The following MAGI2 variants were observed in gnomAD, a reference collection of about 807,000 sequenced individuals.
MAGI2 encodes membrane associated guanylate kinase, WW and PDZ domain containing 2, also known as membrane-associated guanylate kinase, WW and PDZ domain-containing protein 2.
MAGI2 carries 35 observed loss-of-function variants against 133.3 expected under a neutral mutation model. That is an observed-to-expected ratio of 0.26 (90% CI 0.20 to 0.35). The LOEUF is 0.35. MAGI2 is among the 10% of genes least tolerant of loss of function. MAGI2 has a pLI of 1.00. For missense variants in MAGI2, 1,636 were observed against 1,863.4 expected (o/e 0.88, Z 2.25); for synonymous variants, 729 against 710.6 (o/e 1.03, Z -0.41).
At chr7:78,387,736 A>G (rs1215622717) in intron 6 of MAGI2, among the ~76,000 whole-genome samples, 1 of 151,980 alleles carries the variant, frequency 6.6e-6, no homozygotes, top group Non-Finnish European at 1.5e-5. Context: ...AGACCAGCCT[A>G]GGCAACATGG....
intron 1 of MAGI2, among the ~76,000 whole-genome samples, chr7:79,343,851 C>T (rs941277756): frequency 3.3e-5 from 5 of 152,064 alleles, no homozygotes; most frequent in Admixed American, 1.3e-4. Flanking sequence ...ACAGTCAGCA[C>T]TAACAAAAAA....
At chr7:78,215,774 A>T (rs1422275802) in intron 10 of MAGI2, among the ~76,000 whole-genome samples, 1 of 152,162 alleles carries the variant, frequency 6.6e-6, no homozygotes, top group African/African-American at 2.4e-5. Flanking sequence ...GTGGAGGCTA[A>T]TTTTTATTAA....
At position 79,453,041 on chromosome 7, in the gene MAGI2, G is replaced by C. The variant is rs1287178660; in HGVS notation, c.280C>G (p.Arg94Gly). The change falls in exon 1 of 22, where the codon CGG becomes GGG. Residue 94 changes from arginine to glycine, a missense_variant. This residue lies in a region of MAGI2 where 148 missense variants were observed against 239.0 expected (regional missense o/e 0.62). Transcript: ENST00000354212. ...AVIKHCKDPLRLKCVKQGGIV... is the reference protein window; with the variant it reads ...AVIKHCKDPLGLKCVKQGGIV... ...TCACCTTGCTTGACACACTTGAGCC[G>C]GAGGGGGTCCTTGCAGTGTTTGATC... The C allele has an allele frequency of 6.3e-7, 1 of 1,599,468 alleles. No homozygotes were observed. Among genetic ancestry groups the C allele is most frequent in the Non-Finnish European group, 8.5e-7 (1 of 1,172,268 alleles).
At chr7:78,068,201 G>C (rs1178883945) in intron 21 of MAGI2, among the ~76,000 whole-genome samples, 7 of 152,318 alleles carry the variant, frequency 4.6e-5, no homozygotes, top group African/African-American at 1.7e-4. Context: ...AGGCAACCTA[G>C]ATCCCTTGCA....
At chr7:79,056,556 A>G (rs982421387) in intron 1 of MAGI2, among the ~76,000 whole-genome samples, 4 of 152,216 alleles carry the variant, frequency 2.6e-5, no homozygotes, top group African/African-American at 9.6e-5. Flanking sequence ...ATACTTGCAC[A>G]GAGTATCACA....
rs1226012713 is a variant in MAGI2 at position 78,826,267 on chromosome 7, C to G, written c.418+180823G>C. ...TATTCAGGAGGCTGAGGCAGGAGAA[C>G]GGCATGAACCCGGGAGGCGGAGCTT... On this transcript the variant is annotated intron_variant, in intron 2 of 21. Transcript: ENST00000354212. Among the ~76,000 whole-genome samples, 4 of 148,362 alleles carry G rather than the reference C, an allele frequency of 2.7e-5. No individual in the cohort carries two copies. The Admixed American group carries it at 2.7e-4, about 10-fold the overall frequency.
At chr7:78,141,631 T>A (rs546168571) in intron 16 of MAGI2, among the ~76,000 whole-genome samples, 3 of 152,354 alleles carry the variant, frequency 2.0e-5, no homozygotes, top group Middle Eastern at 3.4e-3. Flanking sequence ...CTGAAATTCA[T>A]AGCCAACTGA....
At chr7:78,314,172 T>C (rs1787166747) in intron 9 of MAGI2, among the ~76,000 whole-genome samples, 1 of 152,202 alleles carries the variant, frequency 6.6e-6, no homozygotes, top group South Asian at 2.1e-4. Flanking sequence ...CTGCATTAAA[T>C]GGCATTAGCC....
intron 6 of MAGI2, among the ~76,000 whole-genome samples, chr7:78,418,567 C>G (rs1217632832): frequency 1.3e-5 from 2 of 152,108 alleles, no homozygotes; most frequent in Non-Finnish European, 2.9e-5. Flanking sequence ...ATGGCCAGTG[C>G]AAATGAGAAA....
At chr7:78,317,016 A>T (rs1402698679) in intron 9 of MAGI2, among the ~76,000 whole-genome samples, 1 of 108,048 alleles carries the variant, frequency 9.3e-6, no homozygotes, top group East Asian at 3.2e-4. Flanking sequence ...TCTATATATG[A>T]ATTATTTGCT....
chr7:78,295,696 T>G (rs1797158600), intron 9 of MAGI2, among the ~76,000 whole-genome samples: 1 of 152,118 alleles, frequency 6.6e-6, no homozygotes, highest in Non-Finnish European at 1.5e-5. Flanking sequence ...GATAATCTCA[T>G]CCGATCCCAT....
intron 6 of MAGI2, among the ~76,000 whole-genome samples, chr7:78,442,636 A>C (rs538624035): frequency 6.6e-6 from 1 of 152,288 alleles, no homozygotes; most frequent in African/African-American, 2.4e-5. Flanking sequence ...TGTAACTTGT[A>C]ATATTTATTT....
intron 1 of MAGI2, among the ~76,000 whole-genome samples, chr7:79,227,955 C>T (rs913251597): frequency 2.0e-5 from 3 of 152,132 alleles, no homozygotes; most frequent in African/African-American, 7.2e-5. Context: ...AGTGTTGGCA[C>T]CACTGAAGTG....
At chr7:79,021,330 T>A (rs1809309945) in intron 1 of MAGI2, among the ~76,000 whole-genome samples, 1 of 152,124 alleles carries the variant, frequency 6.6e-6, no homozygotes, top group African/African-American at 2.4e-5. Flanking sequence ...GAATGGTTGA[T>A]CCACACAGAT....
chr7:79,084,011 C>A (rs1162791313), intron 1 of MAGI2, among the ~76,000 whole-genome samples: 1 of 151,560 alleles, frequency 6.6e-6, no homozygotes, highest in Non-Finnish European at 1.5e-5. Context: ...ATGACACTCC[C>A]TTTTTAACTC....
intron 1 of MAGI2, among the ~76,000 whole-genome samples, chr7:79,039,859 ATATATAT>A (rs1413646033): frequency 2.1e-5 from 3 of 144,756 alleles, no homozygotes; most frequent in Non-Finnish European, 4.5e-5. Context: ...TATATATTAT[ATATATAT>A]AATATATATG....
intron 2 of MAGI2, among the ~76,000 whole-genome samples, chr7:78,945,492 ATTC>A (rs1164530339): frequency 6.6e-6 from 1 of 152,222 alleles, no homozygotes; most frequent in Non-Finnish European, 1.5e-5. Flanking sequence ...CATAGGTGTA[ATTC>A]TTGTGGTAAG....
intron 1 of MAGI2, among the ~76,000 whole-genome samples, chr7:79,171,236 T>C (rs1190565165): frequency 6.6e-6 from 1 of 152,058 alleles, no homozygotes; most frequent in African/African-American, 2.4e-5. Context: ...TCCAAGACCT[T>C]CTCTTAGCTT....
chr7:79,248,417 G>C (rs1043595208), intron 1 of MAGI2, among the ~76,000 whole-genome samples: 1 of 152,114 alleles, frequency 6.6e-6, no homozygotes, highest in Non-Finnish European at 1.5e-5. Flanking sequence ...TACAATAACA[G>C]CCGGAGATTT....
Sources: gnomAD v4.1 joint callset for allele counts (sites outside exome capture counted in the v4.1 genomes callset) on GRCh38, gnomAD v4.1.1 for gene constraint, gnomAD v4.1.1 regional missense constraint, MANE v1.5 for transcripts, NCBI Gene and HGNC (gene_info 2026-07-23, HGNC 2026-07-21) for gene names.